Variants in RADIL observed in about 807,000 individuals in gnomAD.
RADIL encodes ras-associating and dilute domain-containing protein.
A neutral mutation model predicts 97.6 loss-of-function variants in RADIL; 99 were observed. The ratio of observed to expected loss-of-function variants is 1.01; its 90% CI spans 0.86 to 1.20. The LOEUF (loss-of-function observed/expected upper bound fraction) is 1.20, where lower values mean the gene tolerates loss of function less well. Among genes scored for constraint, RADIL ranks in the 50% most tolerant of loss-of-function variants. The pLI is 0.00. For missense variants in RADIL, 1,765 were observed against 1,498.9 expected, an observed-to-expected ratio of 1.18 and a Z score of -2.93; for synonymous variants, 803 against 691.8, an observed-to-expected ratio of 1.16 and a Z score of -2.52.
At chr7:4,876,810 G>A (rs937343225) in intron 2 of RADIL, among the ~76,000 whole-genome samples, 2 of 152,184 alleles carry the variant, frequency 1.3e-5, no homozygotes, top group South Asian at 2.1e-4. Flanking sequence ...CCACCACCCA[G>A]GCACCCACAG....
Position 4,818,230 on chromosome 7 carries a change from C to T in RADIL, c.1616-879G>A, listed in dbSNP as rs964946078. Among the ~76,000 whole-genome samples, 6 of 152,272 alleles carry T rather than the reference C, an allele frequency of 3.9e-5. No individual in the cohort carries two copies. The highest frequency in any genetic ancestry group is 3.9e-4 in the East Asian group (2 of 5,168). ...AGGCCGCCTGCCAGGGCTGCATGGG[C>T]GGCGCCTGGTGAGCCAGGCCAACAC... On this transcript the variant is annotated intron_variant, in intron 6 of 14. Coordinates refer to ENST00000399583, the MANE Select transcript of RADIL (RefSeq NM_018059.5). The surrounding 1 kb of genome is among the most constrained non-coding windows in gnomAD (Gnocchi z 7.1).
At chr7:4,862,612 T>C (rs539185006) in intron 2 of RADIL, among the ~76,000 whole-genome samples, 26 of 152,292 alleles carry the variant, frequency 1.7e-4, no homozygotes, top group African/African-American at 5.8e-4. Flanking sequence ...TTTAATAATC[T>C]TACCCAGGCT....
chr7:4,867,941 G>C lies in RADIL; in HGVS notation c.535+9664C>G, dbSNP rs537970098. Among the ~76,000 whole-genome samples, 19 of 152,338 alleles carry C rather than the reference G, an allele frequency of 1.2e-4. No homozygotes were observed. Among genetic ancestry groups the C allele is most frequent in the Non-Finnish European group, 2.2e-4 (15 of 68,044 alleles). ...CTTGGCCCTTTCTCTGCACTTACTTGTTCCCCATATTGGTGAGACGGCTGT... is the reference window on the plus strand; with the variant it reads ...CTTGGCCCTTTCTCTGCACTTACTTCTTCCCCATATTGGTGAGACGGCTGT... On this transcript the variant is annotated intron_variant, in intron 2 of 14. Transcript: ENST00000399583. The surrounding 1 kb of genome is among the most constrained non-coding windows in gnomAD (Gnocchi z 4.1).
In RADIL at chr7:4,809,229, C is replaced by T. The variant is rs956711346; in HGVS notation, c.2140-3513G>A. ...CCGACTCGGGCCTGCCCATCTCCCG[C>T]AGGGGCGCTCGGGCCTGGCCGCCAA... On this transcript the variant is annotated intron_variant, in intron 9 of 14. Transcript: ENST00000399583. 6 of 985,186 alleles carry T rather than the reference C, an allele frequency of 6.1e-6. No individual in the cohort carries two copies. The African/African-American group carries it at 1.0e-4, about 17-fold the overall frequency. 61.0% of individuals were successfully genotyped at this position (985,186 alleles called of 1,614,324 possible).
intron 2 of RADIL, among the ~76,000 whole-genome samples, chr7:4,852,558 C>G (rs141361886): frequency 1.3e-5 from 2 of 152,340 alleles, no homozygotes; most frequent in African/African-American, 4.8e-5. Flanking sequence ...AAGCAATCCT[C>G]CCATCTAAGC....
chr7:4,843,816 A>T (rs1031462183), intron 2 of RADIL, among the ~76,000 whole-genome samples: 2 of 151,012 alleles, frequency 1.3e-5, no homozygotes, highest in African/African-American at 4.9e-5. Context: ...GGAGGCTGAG[A>T]CAAGAGAATT....
chr7:4,827,609 C>T (rs770921633), intron 5 of RADIL, among the ~76,000 whole-genome samples: 17 of 152,054 alleles, frequency 1.1e-4, no homozygotes, highest in East Asian at 5.8e-4. Context: ...TGCAGTGAGC[C>T]GAGATCGTGC....
chr7:4,803,516 C>T (rs557884709), intron 11 of RADIL, 30 bp downstream of exon 11: 20 of 1,510,018 alleles, frequency 1.3e-5, no homozygotes, highest in South Asian at 2.5e-5. Flanking sequence ...CCTCGGGGCA[C>T]GCTGGCTGGG....
rs1251672031 is a variant in RADIL at position 4,817,071 on chromosome 7, C to T, written c.1728+168G>A. ...GGAGGAGCGGGTGTGGGGGGTGCAG[C>T]TGGGCCTGTGCAGAACCTGCAGCCA... On this transcript the variant is annotated intron_variant, in intron 7 of 14. Coordinates refer to ENST00000399583, the MANE Select transcript of RADIL (RefSeq NM_018059.5). The surrounding 1 kb of genome is among the most constrained non-coding windows in gnomAD (Gnocchi z 8.3). Among the ~76,000 whole-genome samples the T allele has an allele frequency of 6.6e-6, 1 of 152,150 alleles. No homozygotes were observed. The highest frequency in any genetic ancestry group is 1.9e-4 in the East Asian group (1 of 5,190).
In RADIL at chr7:4,834,402, C is replaced by G. The variant is rs1783233668; in HGVS notation, c.1416+205G>C. Reference sequence around the variant, plus strand: ...CACCCTCAGGGGCAAAGGGCTGCAGCTGACACCTTGGGTTCTGGGGCTGCT... The same window carrying G: ...CACCCTCAGGGGCAAAGGGCTGCAGGTGACACCTTGGGTTCTGGGGCTGCT... On this transcript the variant is annotated intron_variant, in intron 4 of 14. Coordinates refer to ENST00000399583, the MANE Select transcript of RADIL (RefSeq NM_018059.5). This position sits in a 1 kb window ranked among gnomAD's most constrained non-coding sequence, Gnocchi z 6.0. 6.6e-6 allele frequency among the ~76,000 whole-genome samples: 1 copy of G among 152,186 alleles called. No homozygotes were observed. The highest frequency in any genetic ancestry group is 1.5e-5 in the Non-Finnish European group (1 of 68,028).
chr7:4,877,476 C>T, intron 2 of RADIL, 129 bp downstream of exon 2: 3 of 1,007,436 alleles, frequency 3.0e-6, no homozygotes, highest in South Asian at 1.7e-5. Context: ...AGGACACGGG[C>T]TCCGACTGCC....
rs539875777 is a variant in RADIL at position 4,799,217 on chromosome 7, T to C, written c.*161A>G. 6.5e-6 allele frequency: 4 copies of C among 617,772 alleles called. No individual in the cohort carries two copies. The highest frequency in any genetic ancestry group is 1.1e-5 in the Non-Finnish European group (4 of 347,910). 38.3% of individuals were successfully genotyped at this position (617,772 alleles called of 1,614,324 possible). On this transcript the variant is annotated 3_prime_UTR_variant, in exon 15 of 15. Transcript: ENST00000399583. ...CGTCATCTGCCATATAAATAGAACC[T>C]ACACTGAGATGCATGTTATCAACAG... is the stretch of plus-strand genomic sequence containing the variant.
chr7:4,823,314 G>C (rs1254628795), intron 5 of RADIL, among the ~76,000 whole-genome samples: 1 of 151,082 alleles, frequency 6.6e-6, no homozygotes, highest in Non-Finnish European at 1.5e-5. Flanking sequence ...ACATTAGTCT[G>C]GCTAATTATT....
At chr7:4,809,952 C>T (rs1782492052) in intron 9 of RADIL, among the ~76,000 whole-genome samples, 1 of 151,642 alleles carries the variant, frequency 6.6e-6, no homozygotes, top group South Asian at 2.1e-4. Flanking sequence ...TCCCGGGTTC[C>T]AGTGATTCAT....
At chr7:4,807,647 TTC>T (rs138969554) in intron 9 of RADIL, among the ~76,000 whole-genome samples, 28 of 38,276 alleles carry the variant, frequency 7.3e-4, no homozygotes, top group East Asian at 6.1e-3. Context: ...CTCCCGCTCC[TTC>T]TCTCTCTCTG....
chr7:4,862,926 A>T (rs1784053212), intron 2 of RADIL, among the ~76,000 whole-genome samples: 3 of 151,878 alleles, frequency 2.0e-5, no homozygotes, highest in Non-Finnish European at 4.4e-5. Context: ...AAAAATAAAA[A>T]TAAAAAATAA....
rs544063320 is a variant in RADIL, at chr7:4,827,617, T to C, written c.1454+4524A>G. Among the ~76,000 whole-genome samples, 878 of 152,216 alleles carry C rather than the reference T, an allele frequency of 5.8e-3. 7 individuals carry two copies. Among genetic ancestry groups the C allele is most frequent in the South Asian group, 0.024 (117 of 4,814 alleles). On this transcript the variant is annotated intron_variant, in intron 5 of 14. Transcript: ENST00000399583. ...CGGAGGTTGCAGTGAGCCGAGATCG[T>C]GCCACTGTACTCCAGCCTGGGGGAC... is the stretch of plus-strand genomic sequence containing the variant.
Position 4,821,083 on chromosome 7 carries a change from T to C in RADIL, c.1615+1311A>G, listed in dbSNP as rs561658420. Among the ~76,000 whole-genome samples the C allele has an allele frequency of 3.3e-5, 5 of 152,154 alleles. No individual in the cohort carries two copies. Among genetic ancestry groups the C allele is most frequent in the Non-Finnish European group, 4.4e-5 (3 of 68,010 alleles). On this transcript the variant is annotated intron_variant, in intron 6 of 14. Coordinates refer to ENST00000399583, the MANE Select transcript of RADIL (RefSeq NM_018059.5). The surrounding 1 kb of genome is among the most constrained non-coding windows in gnomAD (Gnocchi z 5.2). ...TACACAGAGACCCCGCAGCGTCTGG[T>C]AGACTGAGCCTGTGGGAGCTCCTGT... is the stretch of plus-strand genomic sequence containing the variant.
At chr7:4,844,112 T>C (rs1783512419) in intron 2 of RADIL, among the ~76,000 whole-genome samples, 1 of 151,888 alleles carries the variant, frequency 6.6e-6, no homozygotes, top group South Asian at 2.1e-4. Flanking sequence ...TCCTAGCCAG[T>C]ACAACAGGCA....
Sources: allele counts gnomAD v4.1 joint callset (sites outside exome capture counted in the v4.1 genomes callset), GRCh38; gene constraint gnomAD v4.1.1; non-coding constraint Gnocchi (gnomAD v3.1); transcripts MANE v1.5; gene names NCBI Gene and HGNC (gene_info 2026-07-23, HGNC 2026-07-21).